Variants in IGHMBP2 observed in about 807,000 individuals in gnomAD.
IGHMBP2 encodes the protein DNA-binding protein SMUBP-2.
A neutral mutation model predicts 96.0 loss-of-function variants in IGHMBP2; 81 were observed. That is an observed-to-expected ratio of 0.84 (90% CI 0.71 to 1.01). The LOEUF (loss-of-function observed/expected upper bound fraction) is 1.01, where lower values mean the gene tolerates loss of function less well. Ranked by LOEUF, IGHMBP2 falls within the 50% of genes least tolerant of loss-of-function variation. The probability of loss-of-function intolerance (pLI) is 0.00; values close to 1 mark genes in which losing one functional copy is unlikely to be tolerated. For missense variants in IGHMBP2, 1,227 were observed against 1,306.3 expected, an observed-to-expected ratio of 0.94 and a Z score of 0.94; for synonymous variants, 557 against 548.9, an observed-to-expected ratio of 1.01 and a Z score of -0.21.
At chr11:68,914,069 A>G (rs551290992) in intron 5 of IGHMBP2, among the ~76,000 whole-genome samples, 2 of 152,336 alleles carry the variant, frequency 1.3e-5, no homozygotes, top group African/African-American at 4.8e-5. Flanking sequence ...AGGGAGGGCA[A>G]GGAGGCACCT....
In IGHMBP2 at chr11:68,915,164, C is replaced by T. The variant is rs558257216; in HGVS notation, c.912+141C>T. On this transcript the variant is annotated intron_variant, in intron 6 of 14. Coordinates refer to ENST00000255078, the MANE Select transcript of IGHMBP2 (RefSeq NM_002180.3). ...TTTAATAATTTTAAAAATTGGGCTG[C>T]CCTTTTTTTTTTTTTTTTTTTTTTT... 80 of 276,148 alleles carry T rather than the reference C, an allele frequency of 2.9e-4. 1 individual carries two copies. The Middle Eastern group carries it at 5.0e-3, about 17-fold the overall frequency. The allele number at this position is 276,148 out of a possible 1,614,324, so 17.1% of individuals were successfully genotyped here. A position where few individuals can be genotyped will look rare whatever the true frequency, so the allele number is the denominator to read the frequency against.
At chr11:68,907,238 G>C (rs966685433) in intron 2 of IGHMBP2, among the ~76,000 whole-genome samples, 5 of 152,040 alleles carry the variant, frequency 3.3e-5, no homozygotes, top group Admixed American at 3.3e-4. Flanking sequence ...TCTAGCTTGG[G>C]GGCAAAGTGA....
In IGHMBP2 at chr11:68,929,222, G is replaced by T. The variant is rs778402972; in HGVS notation, c.1100G>T (p.Ser367Ile). 3 of 1,613,718 alleles carry T rather than the reference G, an allele frequency of 1.9e-6. No homozygotes were observed. In the East Asian group the frequency reaches 6.7e-5, roughly 36 times the overall value. The change falls in exon 8 of 15, where the codon AGC becomes ATC. Residue 367 changes from serine to isoleucine, a missense_variant. By Grantham distance (142) the Ser-to-Ile change is moderately radical (BLOSUM62 -2). Transcript: ENST00000255078. ...ADGPLKLLPE[S>I]YFDVVVIDEC... ...GGCCCCCTGAAGTTGCTGCCCGAGA[G>T]CTACTTCGACGTGGTGGTCATTGAC...
At chr11:68,912,765 T>C (rs1594424217) in intron 5 of IGHMBP2, among the ~76,000 whole-genome samples, 2 of 151,564 alleles carry the variant, frequency 1.3e-5, no homozygotes, top group South Asian at 4.2e-4. Context: ...GGAAGCCGGG[T>C]GTGGTGGCTC....
intron 6 of IGHMBP2, among the ~76,000 whole-genome samples, chr11:68,915,556 C>T (rs543518743): frequency 1.3e-5 from 2 of 151,926 alleles, no homozygotes; most frequent in South Asian, 2.1e-4. Context: ...TGTCTTGGCT[C>T]ACTGCAGGCT....
chr11:68,914,740 T>A, intron 5 of IGHMBP2, 83 bp from the exon 6 acceptor site: 3 of 1,442,448 alleles, frequency 2.1e-6, no homozygotes, highest in Non-Finnish European at 2.9e-6. Context: ...TCTTTCTACC[T>A]TTAAGGCTTT....
At chr11:68,930,174 A>C in intron 8 of IGHMBP2, 1 of 1,218,358 alleles carries the variant, frequency 8.2e-7, no homozygotes, top group Non-Finnish European at 1.0e-6. Context: ...CTGTCCTTGG[A>C]CAAGTCCCTG....
At chr11:68,937,385 T>C (rs966409155) in intron 13 of IGHMBP2, among the ~76,000 whole-genome samples, 4 of 152,216 alleles carry the variant, frequency 2.6e-5, no homozygotes, top group African/African-American at 9.6e-5. Flanking sequence ...CAAACATGGA[T>C]GGCTCCCTGG....
At chr11:68,931,475 T>C (rs918983782) in intron 8 of IGHMBP2, among the ~76,000 whole-genome samples, 6 of 152,072 alleles carry the variant, frequency 3.9e-5, no homozygotes, top group Admixed American at 2.6e-4. Context: ...CCGGCTCCCC[T>C]AAGAGCACCG....
intron 10 of IGHMBP2, 52 bp downstream of exon 10, chr11:68,933,965 C>G (rs1413664387): frequency 8.0e-7 from 1 of 1,249,928 alleles, no homozygotes; most frequent in South Asian, 1.3e-5. Context: ...ACCTCCAGCT[C>G]TTTAAAAATA....
intron 6 of IGHMBP2, among the ~76,000 whole-genome samples, chr11:68,916,492 C>T (rs1475929853): frequency 3.3e-5 from 5 of 152,174 alleles, no homozygotes; most frequent in Non-Finnish European, 4.4e-5. Flanking sequence ...TGCTCACTGT[C>T]GGTACTGGTA....
At chr11:68,932,919 C>T (rs1343402675) in intron 8 of IGHMBP2, 1 of 305,032 alleles carries the variant, frequency 3.3e-6, no homozygotes, top group Non-Finnish European at 6.4e-6. Context: ...TTTCCTCTGT[C>T]TATGAAGCCA....
rs1307345682 is a variant in IGHMBP2 at position 68,913,060 on chromosome 11, A to C, written c.711+1457A>C. Among the ~76,000 whole-genome samples the C allele has an allele frequency of 2.0e-5, 3 of 150,720 alleles. No homozygotes were observed. In the South Asian group the frequency reaches 6.3e-4, roughly 32 times the overall value. On this transcript the variant is annotated intron_variant, in intron 5 of 14. Transcript: ENST00000255078. The stretch of plus-strand genomic sequence containing the variant: ...TCCATCTCCAAAAAAAAAAAAAAAA[A>C]AAAAAAAACCAAAAAAACCACGAGG...
At chr11:68,937,527 T>A (rs1859599100) in intron 13 of IGHMBP2, among the ~76,000 whole-genome samples, 1 of 152,248 alleles carries the variant, frequency 6.6e-6, no homozygotes, top group Non-Finnish European at 1.5e-5. Flanking sequence ...CCACAGGGGC[T>A]GGCTGAGCGC....
chr11:68,935,369 A>G lies in IGHMBP2; in HGVS notation c.1703A>G (p.Gln568Arg). 6.2e-7 allele frequency: 1 copy of G among 1,614,188 alleles called. No individual in the cohort carries two copies. The highest frequency in any genetic ancestry group is 8.5e-7 in the Non-Finnish European group (1 of 1,180,048). The stretch of plus-strand genomic sequence containing the variant: ...GAAATCAAGTCTGTCGATGGCTTCC[A>G]AGGCCGAGAGAAGGAGGCCGTGATA... The part of the protein sequence containing the change: ...ELEIKSVDGF[Q>R]GREKEAVILS... Residue 568 changes from glutamine (Q) to arginine (R), a missense_variant, in exon 12 of 15, where the codon CAA (glutamine) becomes CGA (arginine). By Grantham distance (43) the Gln-to-Arg change is conservative. This residue lies in a region of IGHMBP2 where 703 missense variants were observed against 770.3 expected (regional missense o/e 0.91). Coordinates refer to ENST00000255078, the MANE Select transcript of IGHMBP2 (RefSeq NM_002180.3).
At position 68,915,104 on chromosome 11, in the gene IGHMBP2, A is replaced by G; in HGVS notation, c.912+81A>G. 3 of 1,080,560 alleles carry G rather than the reference A, an allele frequency of 2.8e-6. No individual in the cohort carries two copies. In the South Asian group the frequency reaches 3.8e-5, roughly 14 times the overall value. The allele number at this position is 1,080,560 out of a possible 1,614,324, so 66.9% of individuals were successfully genotyped here. On this transcript the variant is annotated intron_variant, in intron 6 of 14. Coordinates refer to ENST00000255078, the MANE Select transcript of IGHMBP2 (RefSeq NM_002180.3). ...TTAAGGAGCAAATTTATCTGTCTGC[A>G]TTCCTCTTGACCTTCTCTTGCTTCT...
At chr11:68,911,700 G>C (rs2154006961) in intron 5 of IGHMBP2, 97 bp downstream of exon 5, 6 of 1,104,182 alleles carry the variant, frequency 5.4e-6, no homozygotes, top group Non-Finnish European at 8.2e-6. Flanking sequence ...AGTTCTGGTG[G>C]GATGGGTCAG....
At chr11:68,931,418 G>C (rs1859293204) in intron 8 of IGHMBP2, among the ~76,000 whole-genome samples, 1 of 152,164 alleles carries the variant, frequency 6.6e-6, no homozygotes, top group Non-Finnish European at 1.5e-5. Flanking sequence ...TGCAGCCACA[G>C]ATCTGGCGGC....
intron 5 of IGHMBP2, among the ~76,000 whole-genome samples, chr11:68,912,037 G>A (rs1247195285): frequency 6.6e-6 from 1 of 152,264 alleles, no homozygotes; most frequent in African/African-American, 2.4e-5. Context: ...TAATGGATAC[G>A]ATGCACATGT....
Sources: gnomAD v4.1 joint callset for allele counts (sites outside exome capture counted in the v4.1 genomes callset) on GRCh38, gnomAD v4.1.1 for gene constraint, gnomAD v4.1.1 regional missense constraint, MANE v1.5 for transcripts, NCBI Gene and HGNC (gene_info 2026-07-23, HGNC 2026-07-21) for gene names.